LIN28B: variants seen among roughly 807,000 people sequenced by gnomAD.
LIN28B encodes lin-28 RNA binding posttranscriptional regulator B.
Under a neutral mutation model 21.9 loss-of-function variants are expected in LIN28B, and 5 were observed. That is an observed-to-expected ratio of 0.23 (90% CI 0.12 to 0.48). LIN28B has a LOEUF of 0.48. Among genes scored for constraint, LIN28B ranks in the 20% least tolerant of loss-of-function variants. The probability of loss-of-function intolerance (pLI) is 0.98; values close to 1 mark genes in which losing one functional copy is unlikely to be tolerated. For missense variants in LIN28B, 245 were observed against 310.5 expected (o/e 0.79, Z 1.58); for synonymous variants, 109 against 111.3 (o/e 0.98, Z 0.13).
intron 2 of LIN28B, among the ~76,000 whole-genome samples, chr6:104,985,222 A>G (rs886734081): frequency 1.3e-5 from 2 of 152,362 alleles, no homozygotes. Context: ...AAGCATACAC[A>G]TTTATTTAAT....
chr6:104,989,498 C>T (rs950098324), intron 2 of LIN28B, among the ~76,000 whole-genome samples: 1 of 151,436 alleles, frequency 6.6e-6, no homozygotes, highest in Non-Finnish European at 1.5e-5. Context: ...GCTGGGATTA[C>T]AGGCGTGAGC....
At chr6:105,008,636 T>G (rs948108661) in intron 2 of LIN28B, among the ~76,000 whole-genome samples, 2 of 145,504 alleles carry the variant, frequency 1.4e-5, no homozygotes, top group African/African-American at 5.1e-5. Flanking sequence ...AGAACGAGAC[T>G]ACATCTCAAA....
intron 3 of LIN28B, among the ~76,000 whole-genome samples, chr6:105,031,733 C>T (rs949493710): frequency 1.3e-5 from 2 of 152,042 alleles, no homozygotes; most frequent in South Asian, 2.1e-4. Flanking sequence ...GACGGAGTTT[C>T]ACCGTGTTAG....
At chr6:105,024,647 A>G (rs1432220654) in intron 2 of LIN28B, among the ~76,000 whole-genome samples, 6 of 152,188 alleles carry the variant, frequency 3.9e-5, no homozygotes, top group Admixed American at 2.6e-4. Context: ...AGACTTCCAC[A>G]TGAAAGATTT....
chr6:104,991,076 T>C (rs1046142344), intron 2 of LIN28B, among the ~76,000 whole-genome samples: 29 of 152,328 alleles, frequency 1.9e-4, no homozygotes, highest in African/African-American at 6.7e-4. Context: ...AGCTGTTGGG[T>C]ACACCTCCCA....
At chr6:104,969,978 G>A (rs1769941689) in intron 2 of LIN28B, among the ~76,000 whole-genome samples, 3 of 152,080 alleles carry the variant, frequency 2.0e-5, no homozygotes. Context: ...AGGACCTCAG[G>A]ACCACCCATC....
At chr6:105,002,304 G>C (rs571987943) in intron 2 of LIN28B, among the ~76,000 whole-genome samples, 1 of 151,824 alleles carries the variant, frequency 6.6e-6, no homozygotes, top group African/African-American at 2.4e-5. Flanking sequence ...AAGGTGTTCA[G>C]GATGAAGAAA....
intron 2 of LIN28B, among the ~76,000 whole-genome samples, chr6:105,013,805 C>T (rs183033197): frequency 6.6e-6 from 1 of 151,606 alleles, no homozygotes; most frequent in Non-Finnish European, 1.5e-5. Context: ...TTTAAGCGAC[C>T]TTTTGTTCCT....
In LIN28B at chr6:104,979,228, T is replaced by A. The variant is rs76187241; in HGVS notation, c.198+20942T>A. Among the ~76,000 whole-genome samples the A allele has an allele frequency of 2.3e-3, 356 of 151,820 alleles. 2 individuals carry two copies. Among genetic ancestry groups the A allele is most frequent in the African/African-American group, 7.7e-3 (318 of 41,496 alleles). ...TTTTTTAATTTAATTTTTTTTTTTT[T>A]ATACAGAATCTCACTCTGTCGCCCA... On this transcript the variant is annotated intron_variant, in intron 2 of 3. Coordinates refer to ENST00000345080, the MANE Select transcript of LIN28B (RefSeq NM_001004317.4).
At chr6:105,030,600 T>C (rs1355616777) in intron 3 of LIN28B, among the ~76,000 whole-genome samples, 2 of 145,330 alleles carry the variant, frequency 1.4e-5, no homozygotes, top group South Asian at 4.5e-4. Flanking sequence ...TTCTTTTTTT[T>C]TTTTTTTTTT....
chr6:105,012,692 G>A lies in LIN28B; in HGVS notation c.199-13606G>A, dbSNP rs537800349. 3.9e-5 allele frequency among the ~76,000 whole-genome samples: 6 copies of A among 152,172 alleles called. No individual in the cohort carries two copies. In the East Asian group the frequency reaches 1.2e-3, roughly 29 times the overall value. On this transcript the variant is annotated intron_variant, in intron 2 of 3. Coordinates refer to ENST00000345080, the MANE Select transcript of LIN28B (RefSeq NM_001004317.4). Reference sequence around the variant, plus strand: ...TCATTGCTCAGTAGTATTGTACATAGCAAAAGTTGTTTATCTGTTCTATCA... The same window carrying A: ...TCATTGCTCAGTAGTATTGTACATAACAAAAGTTGTTTATCTGTTCTATCA...
chr6:104,957,978 A>T, intron 1 of LIN28B, 121 bp from the exon 2 acceptor site: 1 of 590,484 alleles, frequency 1.7e-6, no homozygotes, highest in Non-Finnish European at 2.8e-6. Context: ...ACCATTAAAA[A>T]AAATTTTTTT....
intron 2 of LIN28B, 118 bp downstream of exon 2, chr6:104,958,404 C>T (rs1325844373): frequency 1.3e-6 from 1 of 782,852 alleles, no homozygotes; most frequent in Non-Finnish European, 1.9e-6. Flanking sequence ...ACAAAATCTT[C>T]CCTGAAATCA....
intron 3 of LIN28B, among the ~76,000 whole-genome samples, chr6:105,029,514 C>T (rs1003742056): frequency 3.3e-5 from 5 of 151,788 alleles, no homozygotes; most frequent in African/African-American, 1.2e-4. Flanking sequence ...CGAGATTTCT[C>T]TTTTTTATGC....
At chr6:105,049,967 T>C (rs546982170) in intron 3 of LIN28B, among the ~76,000 whole-genome samples, 3,508 of 152,262 alleles carry the variant, frequency 0.023, 134 homozygotes, top group African/African-American at 0.08. Flanking sequence ...TTTGCCAGTC[T>C]GTGTCTTTTA....
intron 2 of LIN28B, chr6:104,941,423 G>A (rs1778090570): frequency 6.7e-6 from 1 of 149,012 alleles, no homozygotes; most frequent in African/African-American, 2.4e-5. Flanking sequence ...GCTGCCGGGC[G>A]GCCAAAGCCG....
intron 2 of LIN28B, among the ~76,000 whole-genome samples, chr6:104,976,015 TAGA>T (rs1389423805): frequency 6.6e-6 from 1 of 152,054 alleles, no homozygotes; most frequent in East Asian, 1.9e-4. Context: ...AAAATGATCA[TAGA>T]ATGGCTGATT....
chr6:105,013,729 A>C (rs1770969481), intron 2 of LIN28B, among the ~76,000 whole-genome samples: 1 of 152,140 alleles, frequency 6.6e-6, no homozygotes, highest in African/African-American at 2.4e-5. Flanking sequence ...GTCTCAAAAA[A>C]AAAAAAAAAA....
In LIN28B at chr6:105,079,592, T is replaced by C. The variant is rs964448956; in HGVS notation, c.*809T>C. 1 of 152,640 alleles carries C rather than the reference T, an allele frequency of 6.6e-6. No homozygotes were observed. Among genetic ancestry groups the C allele is most frequent in the East Asian group, 1.9e-4 (1 of 5,202 alleles). 9.5% of individuals were successfully genotyped at this position (152,640 alleles called of 1,614,324 possible). A position where few individuals can be genotyped will look rare whatever the true frequency, so the allele number is the denominator to read the frequency against. The stretch of plus-strand genomic sequence containing the variant: ...TTAAGAGAAATGAAGGGGAGGATCA[T>C]CTTAGTGGCTTGTTTTCAGTAGTAT... On this transcript the variant is annotated 3_prime_UTR_variant, in exon 4 of 4. Transcript: ENST00000345080.
Sources: allele counts gnomAD v4.1 joint callset (sites outside exome capture counted in the v4.1 genomes callset), GRCh38; gene constraint gnomAD v4.1.1; transcripts MANE v1.5; gene names NCBI Gene and HGNC (gene_info 2026-07-23, HGNC 2026-07-21).